Variants in THOC2 observed in about 807,000 individuals in gnomAD.
The protein encoded by THOC2 is THO complex subunit 2, also known as THO complex 2.
THOC2 carries 10 observed loss-of-function variants against 128.4 expected under a neutral mutation model. The ratio of observed to expected loss-of-function variants is 0.08; its 90% CI spans 0.05 to 0.13. The LOEUF (loss-of-function observed/expected upper bound fraction) is 0.13. Among genes scored for constraint, THOC2 ranks in the 10% least tolerant of loss-of-function variants. The probability of loss-of-function intolerance (pLI) is 1.00; values close to 1 mark genes in which losing one functional copy is unlikely to be tolerated. For missense variants in THOC2, 535 were observed against 1,155.7 expected, an observed-to-expected ratio of 0.46 and a Z score of 7.79; for synonymous variants, 393 against 396.9, an observed-to-expected ratio of 0.99 and a Z score of 0.12.
chrX:123,693,648 T>C (rs972869288), intron 7 of THOC2, among the ~76,000 whole-genome samples: 3 of 111,254 alleles, frequency 2.7e-5, no homozygotes, highest in African/African-American at 9.8e-5. Flanking sequence ...TTACCCAGTA[T>C]TTATTTATCA....
At chrX:123,613,997 A>G in intron 34 of THOC2, 55 bp downstream of exon 34, 1 of 1,090,209 alleles carries the variant, frequency 9.2e-7, no homozygotes. Flanking sequence ...CAACATACAC[A>G]CTGGTGTACA....
chrX:123,723,747 T>C (rs1377331796), intron 1 of THOC2, among the ~76,000 whole-genome samples: 2 of 111,663 alleles, frequency 1.8e-5, no homozygotes, highest in Non-Finnish European at 3.8e-5. Context: ...AGAAAAAAAT[T>C]AAACATATTG....
intron 22 of THOC2, among the ~76,000 whole-genome samples, chrX:123,630,024 TC>T (rs1298014433): frequency 8.9e-6 from 1 of 111,798 alleles, no homozygotes; most frequent in African/African-American, 3.3e-5. Flanking sequence ...AGCTCCAATC[TC>T]CCCAGTCCTC....
At chrX:123,709,251 A>C (rs1471570463) in intron 2 of THOC2, among the ~76,000 whole-genome samples, 2 of 111,966 alleles carry the variant, frequency 1.8e-5, no homozygotes, top group Non-Finnish European at 3.8e-5. Flanking sequence ...AAATTCAATA[A>C]AATATTTTAT....
chrX:123,703,627 C>T, intron 3 of THOC2, 122 bp from the exon 4 acceptor site: 2 of 402,424 alleles, frequency 5.0e-6, no homozygotes, highest in Non-Finnish European at 4.2e-6. Flanking sequence ...GTGGCTCACA[C>T]CTGTAATCCC....
At chrX:123,671,629 G>A (rs1279815283) in intron 9 of THOC2, 40 bp downstream of exon 9, 1 of 923,796 alleles carries the variant, frequency 1.1e-6, no homozygotes, top group Non-Finnish European at 1.5e-6. Context: ...CTACCCTTGG[G>A]ACAGACAATC....
chrX:123,622,176 T>A (rs1202326250), intron 30 of THOC2, among the ~76,000 whole-genome samples: 1 of 111,306 alleles, frequency 9.0e-6, no homozygotes. Context: ...AGCAGGCAAA[T>A]CACGTGAGGC....
intron 32 of THOC2, chrX:123,620,223 T>C (rs1392119438): frequency 9.0e-6 from 1 of 111,719 alleles, no homozygotes; most frequent in African/African-American, 3.3e-5. Flanking sequence ...CACGATTTTG[T>C]GCTGCAGTTG....
intron 30 of THOC2, among the ~76,000 whole-genome samples, chrX:123,621,976 C>G (rs2047101133): frequency 9.0e-6 from 1 of 111,701 alleles, no homozygotes; most frequent in Non-Finnish European, 1.9e-5. Flanking sequence ...ACCTGGGAGG[C>G]AGAGGTTGCA....
chrX:123,722,917 G>A lies in THOC2; in HGVS notation c.72-10009C>T, dbSNP rs185261668. On this transcript the variant is annotated intron_variant, in intron 1 of 38. Coordinates refer to ENST00000245838, the MANE Select transcript of THOC2 (RefSeq NM_001081550.2). ...CTCCAGTACAGGCGTGGTGGCTCAC[G>A]TCTGTAATCCCAGCACTTTGGGAGG... Among the ~76,000 whole-genome samples, 103 of 111,882 alleles carry A rather than the reference G, an allele frequency of 9.2e-4. 1 individual carries two copies. The East Asian group carries it at 0.012, about 13-fold the overall frequency.
intron 4 of THOC2, among the ~76,000 whole-genome samples, chrX:123,698,606 G>A (rs774507056): frequency 9.1e-6 from 1 of 110,313 alleles, no homozygotes; most frequent in African/African-American, 3.3e-5. Context: ...CGGGTACAGT[G>A]GCTCACACCT....
chrX:123,729,312 ATG>A (rs1410861015), intron 1 of THOC2, among the ~76,000 whole-genome samples: 2 of 112,065 alleles, frequency 1.8e-5, no homozygotes, highest in African/African-American at 6.5e-5. Context: ...ATATCTAGAT[ATG>A]TGATGGATGG....
chrX:123,713,476 C>CAAAAAAAAA (rs1245124629), intron 1 of THOC2, among the ~76,000 whole-genome samples: 6 of 38,388 alleles, frequency 1.6e-4, no homozygotes, highest in African/African-American at 5.1e-4. Flanking sequence ...TCTGTCTCTA[C>CAAAAAAAAA]AAAAAAAAAA....
chrX:123,657,341 T>TC (rs1436153211), intron 12 of THOC2, among the ~76,000 whole-genome samples: 1 of 109,868 alleles, frequency 9.1e-6, no homozygotes, highest in Non-Finnish European at 1.9e-5. Flanking sequence ...TGACAGAATT[T>TC]CCCCAAACTA....
chrX:123,685,019 C>A (rs2049947722), intron 8 of THOC2, among the ~76,000 whole-genome samples: 1 of 112,361 alleles, frequency 8.9e-6, no homozygotes, highest in Non-Finnish European at 1.9e-5. Flanking sequence ...CTGACTATCC[C>A]AGGCAAGTAA....
intron 2 of THOC2, among the ~76,000 whole-genome samples, chrX:123,710,226 G>T (rs2051125533): frequency 8.9e-6 from 1 of 111,913 alleles, no homozygotes; most frequent in African/African-American, 3.3e-5. Flanking sequence ...TGGCAATTCA[G>T]CCAATAAGGC....
chrX:123,631,537 C>T, intron 22 of THOC2, 151 bp downstream of exon 22: 3 of 558,149 alleles, frequency 5.4e-6, no homozygotes, highest in South Asian at 6.7e-5. Context: ...CTCTACCACA[C>T]AGCTTCGTAC....
At chrX:123,723,239 A>T (rs1372787468) in intron 1 of THOC2, among the ~76,000 whole-genome samples, 1 of 112,031 alleles carries the variant, frequency 8.9e-6, no homozygotes, top group African/African-American at 3.2e-5. Context: ...AAAGATGCTC[A>T]TGGAAATATA....
chrX:123,687,288 G>A (rs755826757), intron 7 of THOC2, among the ~76,000 whole-genome samples: 9 of 111,633 alleles, frequency 8.1e-5, no homozygotes, highest in Non-Finnish European at 1.5e-4. Flanking sequence ...ATTCTAAAGG[G>A]AAAAGTGGTA....
Sources: allele counts gnomAD v4.1 joint callset (sites outside exome capture counted in the v4.1 genomes callset), GRCh38; gene constraint gnomAD v4.1.1; transcripts MANE v1.5; gene names NCBI Gene and HGNC (gene_info 2026-07-23, HGNC 2026-07-21).